Variants in GOLGA6C observed in about 807,000 individuals in gnomAD.
The protein encoded by GOLGA6C is golgin A6 family member C, also known as golgin subfamily A member 6C.
In GOLGA6C, 3 loss-of-function variants were observed where a neutral mutation model predicts 57.5. That is an observed-to-expected ratio of 0.05 (90% CI 0.02 to 0.13). GOLGA6C has a LOEUF of 0.13. Ranked by LOEUF, GOLGA6C falls within the 10% of genes least tolerant of loss-of-function variation. The pLI, the probability that GOLGA6C is intolerant of heterozygous loss-of-function variation, is 1.00. For synonymous variants in GOLGA6C, 32 were observed against 203.8 expected (o/e 0.16, Z 7.18); for missense variants, 88 against 525.6 (o/e 0.17, Z 8.14).
chr15:75,273,282 C>G lies in GOLGA6C; in HGVS notation c.*3083C>G, dbSNP rs2070799404. Among the ~76,000 whole-genome samples, 1 of 151,758 alleles carries G rather than the reference C, an allele frequency of 6.6e-6. No homozygotes were observed. Among genetic ancestry groups the G allele is most frequent in the Non-Finnish European group, 1.5e-5 (1 of 67,980 alleles). On this transcript the variant is annotated 3_prime_UTR_variant, in exon 18 of 18. Coordinates refer to ENST00000300576, the MANE Select transcript of GOLGA6C (RefSeq NM_001164404.2). ...AAAAGTAGAGAAAGAAATGCCAATT[C>G]CAATGCAAGGCTTTATTTGCCAAGT...
At chr15:75,261,848 ACT>A (rs1266365035) in intron 2 of GOLGA6C, among the ~76,000 whole-genome samples, 211 of 20,248 alleles carry the variant, frequency 0.01, 17 homozygotes, top group African/African-American at 0.04. Context: ...ACAGAGTCTC[ACT>A]CTGTCACTCA....
intron 14 of GOLGA6C, among the ~76,000 whole-genome samples, chr15:75,269,219 G>C (rs1179437756): frequency 1.4e-5 from 2 of 146,892 alleles, no homozygotes; most frequent in Non-Finnish European, 3.0e-5. Context: ...AAGGTGCGAA[G>C]GCTGTGCCGC....
rs768032004 is a variant in GOLGA6C at position 75,270,126 on chromosome 15, G to A, written c.2009G>A (p.Arg670Lys). The change falls in exon 18 of 18, where the codon AGG becomes AAG. Residue 670 changes from arginine to lysine, a missense_variant. Arg to Lys is a conservative substitution (Grantham distance 26). Coordinates refer to ENST00000300576, the MANE Select transcript of GOLGA6C (RefSeq NM_001164404.2). ...GTGGAGCCTGCACCAGGAGCGGCCA[G>A]GGAGGGTTCTCCCCATGACAACCCC... is the stretch of plus-strand genomic sequence containing the variant. ...NNVEPAPGAA[R>K]EGSPHDNPPV... The A allele has an allele frequency of 8.8e-6, 14 of 1,597,540 alleles. No individual in the cohort carries two copies. The East Asian group carries it at 9.3e-5, about 11-fold the overall frequency.
At position 75,264,977 on chromosome 15, in the gene GOLGA6C, A is replaced by G. The variant is rs1595970958; in HGVS notation, c.565-145A>G. 1.2e-5 allele frequency: 11 copies of G among 904,414 alleles called. 1 individual carries two copies. In the East Asian group the frequency reaches 3.0e-4, roughly 24 times the overall value. 56.0% of individuals were successfully genotyped at this position (904,414 alleles called of 1,614,324 possible). A position where few individuals can be genotyped will look rare whatever the true frequency, so the allele number is the denominator to read the frequency against. On this transcript the variant is annotated intron_variant, in intron 7 of 17. Transcript: ENST00000300576. ...CTCTTTCCCTCTCCCTTCCAACTTT[A>G]CTGAGTTCTTTTAATAACCAGGCCA... is the stretch of plus-strand genomic sequence containing the variant.
rs931279462 is a variant in GOLGA6C at position 75,272,699 on chromosome 15, G to C, written c.*2500G>C. ...TATATTAACTGAAATACCACTCTTT[G>C]TGTAGGTATTCTGTCATATATTTAA... On this transcript the variant is annotated 3_prime_UTR_variant, in exon 18 of 18. Coordinates refer to ENST00000300576, the MANE Select transcript of GOLGA6C (RefSeq NM_001164404.2). 6.6e-6 allele frequency among the ~76,000 whole-genome samples: 1 copy of C among 151,798 alleles called. No individual in the cohort carries two copies. Among genetic ancestry groups the C allele is most frequent in the African/African-American group, 2.4e-5 (1 of 41,012 alleles).
Position 75,270,137 on chromosome 15 carries a change from C to T in GOLGA6C, c.2020C>T (p.Pro674Ser), listed in dbSNP as rs1261203864. ...ACCAGGAGCGGCCAGGGAGGGTTCT[C>T]CCCATGACAACCCCCCGGTACAGCA... Reference protein sequence around the residue: ...PAPGAAREGSPHDNPPVQQIV... With the variant: ...PAPGAAREGSSHDNPPVQQIV... Residue 674 changes from proline (P) to serine (S), a missense_variant, in exon 18 of 18, where the codon CCC (proline) becomes TCC (serine). Physicochemically the swap from Pro to Ser is moderately conservative, Grantham distance 74. Coordinates refer to ENST00000300576, the MANE Select transcript of GOLGA6C (RefSeq NM_001164404.2). 4.4e-6 allele frequency: 7 copies of T among 1,593,432 alleles called. No homozygotes were observed. Among genetic ancestry groups the T allele is most frequent in the South Asian group, 1.1e-5 (1 of 89,376 alleles).
chr15:75,260,637 G>C (rs1204979652), intron 2 of GOLGA6C, 145 bp downstream of exon 2: 1 of 1,084,780 alleles, frequency 9.2e-7, no homozygotes, highest in Admixed American at 2.8e-5. Flanking sequence ...ATGGCAAGTT[G>C]CTTGAGCTCT....
At chr15:75,270,035 G>C (rs374485343) in intron 17 of GOLGA6C, 37 bp from the exon 18 acceptor site, 1 of 1,600,228 alleles carries the variant, frequency 6.2e-7, no homozygotes. Flanking sequence ...GGGGAGGCTC[G>C]CACTGTGCTC....
chr15:75,265,090 C>T (rs1481989399), intron 7 of GOLGA6C, 32 bp from the exon 8 acceptor site: 5 of 1,606,150 alleles, frequency 3.1e-6, no homozygotes, highest in Non-Finnish European at 1.7e-6. Flanking sequence ...CCGGGCTCCC[C>T]AGATCAAAAC....
Position 75,270,219 on chromosome 15 carries a change from G to C in GOLGA6C, c.*20G>C, listed in dbSNP as rs749421761. 1.1e-4 allele frequency: 169 copies of C among 1,590,258 alleles called. 5 individuals carry two copies. The highest frequency in any genetic ancestry group is 1.4e-4 in the Non-Finnish European group (164 of 1,172,886). On this transcript the variant is annotated 3_prime_UTR_variant, in exon 18 of 18. Coordinates refer to ENST00000300576, the MANE Select transcript of GOLGA6C (RefSeq NM_001164404.2). ...ACCTAGGAGCACCCAGGCTTGCCCA[G>C]CAAACCCTGCGTGCCATTCTTCTAC...
chr15:75,273,366 A>G lies in GOLGA6C; in HGVS notation c.*3167A>G, dbSNP rs1303335952. 6.6e-6 allele frequency among the ~76,000 whole-genome samples: 1 copy of G among 152,032 alleles called. No individual in the cohort carries two copies. Among genetic ancestry groups the G allele is most frequent in the Admixed American group, 6.6e-5 (1 of 15,236 alleles). ...CTTGTAAACAGAATGTATAATAGAA[A>G]TACTGAAACACTGTTGCCTAAAGTG... On this transcript the variant is annotated 3_prime_UTR_variant, in exon 18 of 18. Transcript: ENST00000300576.
At chr15:75,259,180 C>A (rs1182599125) in intron 1 of GOLGA6C, among the ~76,000 whole-genome samples, 24 of 151,900 alleles carry the variant, frequency 1.6e-4, no homozygotes, top group African/African-American at 5.6e-4. Context: ...GCCCCACGTC[C>A]CCCCTCCCCC....
In GOLGA6C at chr15:75,270,148, C is replaced by A; in HGVS notation, c.2031C>A (p.Asn677Lys). 3 of 1,592,586 alleles carry A rather than the reference C, an allele frequency of 1.9e-6. 1 individual carries two copies. The highest frequency in any genetic ancestry group is 2.6e-6 in the Non-Finnish European group (3 of 1,174,460). Residue 677 changes from asparagine to lysine, a missense_variant, in exon 18 of 18, where the codon AAC becomes AAA. By Grantham distance (94) the Asn-to-Lys change is moderately conservative (BLOSUM62 0). Transcript: ENST00000300576. ...GAAREGSPHDNPPVQQIVQLS... is the reference protein window; with the variant it reads ...GAAREGSPHDKPPVQQIVQLS... ...CCAGGGAGGGTTCTCCCCATGACAA[C>A]CCCCCGGTACAGCAGATCGTGCAGC... is the stretch of plus-strand genomic sequence containing the variant.
chr15:75,259,171 C>A (rs1202626405), intron 1 of GOLGA6C, among the ~76,000 whole-genome samples: 4 of 151,990 alleles, frequency 2.6e-5, no homozygotes, highest in Non-Finnish European at 5.9e-5. Context: ...TGGGTCCCAG[C>A]CCCACGTCCC....
Position 75,270,310 on chromosome 15 carries a change from A to G in GOLGA6C, c.*111A>G. The G allele has an allele frequency of 1.3e-6, 2 of 1,501,000 alleles. No individual in the cohort carries two copies. Among genetic ancestry groups the G allele is most frequent in the South Asian group, 1.3e-5 (1 of 76,238 alleles). The allele number at this position is 1,501,000 out of a possible 1,614,324, so 93.0% of individuals were successfully genotyped here. A position where few individuals can be genotyped will look rare whatever the true frequency, so the allele number is the denominator to read the frequency against. ...AAGAGCTGGTCAAGAAATTTAAAACAACAACAACAAAAAGTTACGGGGTTC... is the reference window on the plus strand; with the variant it reads ...AAGAGCTGGTCAAGAAATTTAAAACGACAACAACAAAAAGTTACGGGGTTC... On this transcript the variant is annotated 3_prime_UTR_variant, in exon 18 of 18. Transcript: ENST00000300576.
At chr15:75,265,940 G>T (rs1181675880) in intron 10 of GOLGA6C, among the ~76,000 whole-genome samples, 165 bp from the exon 11 acceptor site, 3 of 145,562 alleles carry the variant, frequency 2.1e-5, no homozygotes, top group Admixed American at 1.4e-4. Context: ...AAGTGGCTTG[G>T]AAATTGGCTA....
chr15:75,265,039 T>G (rs1430282517), intron 7 of GOLGA6C, 83 bp from the exon 8 acceptor site: 2 of 1,538,574 alleles, frequency 1.3e-6, no homozygotes, highest in Non-Finnish European at 1.8e-6. Flanking sequence ...CTAACCGAGT[T>G]GTATATTGAG....
Position 75,270,266 on chromosome 15 carries a change from A to C in GOLGA6C, c.*67A>C, listed in dbSNP as rs878910189. On this transcript the variant is annotated 3_prime_UTR_variant, in exon 18 of 18. Coordinates refer to ENST00000300576, the MANE Select transcript of GOLGA6C (RefSeq NM_001164404.2). ...CTACCAGGCAGCCGAGAACAGGGAG[A>C]TAAACATCATCATCTTCTAAGAGCT... The C allele has an allele frequency of 1.9e-6, 3 of 1,557,284 alleles. 1 individual carries two copies. The highest frequency in any genetic ancestry group is 2.6e-6 in the Non-Finnish European group (3 of 1,155,458).
Position 75,270,492 on chromosome 15 carries a change from A to G in GOLGA6C, c.*293A>G, listed in dbSNP as rs2070784654. Among the ~76,000 whole-genome samples, 1 of 105,838 alleles carries G rather than the reference A, an allele frequency of 9.4e-6. No individual in the cohort carries two copies. The highest frequency in any genetic ancestry group is 4.1e-5 in the African/African-American group (1 of 24,666). The allele number at this position is 105,838 out of a possible 152,430, so 69.4% of individuals were successfully genotyped here. A position where few individuals can be genotyped will look rare whatever the true frequency, so the allele number is the denominator to read the frequency against. ...GCATCCTTTAGCATTTTTATTTTTA[A>G]TTTGATAATTGTAGGTCATTAGTAT... On this transcript the variant is annotated 3_prime_UTR_variant, in exon 18 of 18. Transcript: ENST00000300576.
Sources: allele counts gnomAD v4.1 joint callset (sites outside exome capture counted in the v4.1 genomes callset), GRCh38; gene constraint gnomAD v4.1.1; transcripts MANE v1.5; gene names NCBI Gene and HGNC (gene_info 2026-07-23, HGNC 2026-07-21).